Variants in CLSTN3 observed in about 807,000 individuals in gnomAD.
The protein encoded by CLSTN3 is calsyntenin-3.
Under a neutral mutation model 95.9 loss-of-function variants are expected in CLSTN3, and 36 were observed. The ratio of observed to expected loss-of-function variants is 0.38; its 90% CI spans 0.29 to 0.50. CLSTN3 has a LOEUF of 0.50. Among genes scored for constraint, CLSTN3 ranks in the 20% least tolerant of loss-of-function variants. CLSTN3 has a pLI of 0.95. For missense variants in CLSTN3, 1,084 were observed against 1,268.8 expected (o/e 0.85, Z 2.21); for synonymous variants, 481 against 504.0 (o/e 0.95, Z 0.61).
intron 12 of CLSTN3, among the ~76,000 whole-genome samples, chr12:7,147,073 C>T (rs894468175): frequency 6.6e-6 from 1 of 152,168 alleles, no homozygotes; most frequent in African/African-American, 2.4e-5. Context: ...TTACAGTCCT[C>T]TCTGTAAAAT....
Position 7,157,520 on chromosome 12 carries a change from G to T in CLSTN3, c.2559G>T (p.Val853=). The change falls in exon 17 of 18, where the codon GTG becomes GTT. Residue 853 remains valine (V), a synonymous_variant. Transcript: ENST00000266546. The surrounding 1 kb of genome is among the most constrained non-coding windows in gnomAD (Gnocchi z 5.9). ...MIPSAATLII[V]VCVGFLVLMV... ...CCAGCGCCGCAACCCTCATCATTGT[G>T]GTGTGCGTGGGCTTCCTGGTGCTCA... 6.2e-7 allele frequency: 1 copy of T among 1,604,210 alleles called. No individual in the cohort carries two copies. Among genetic ancestry groups the T allele is most frequent in the South Asian group, 1.1e-5 (1 of 89,876 alleles).
rs771565220 is a variant in CLSTN3 at position 7,150,651 on chromosome 12, A to T, written c.2353A>T (p.Met785Leu). 3 of 1,614,072 alleles carry T rather than the reference A, an allele frequency of 1.9e-6. No individual in the cohort carries two copies. Among genetic ancestry groups the T allele is most frequent in the Non-Finnish European group, 2.5e-6 (3 of 1,180,026 alleles). Residue 785 changes from methionine to leucine, a missense_variant, in exon 15 of 18, where the codon ATG (methionine) becomes TTG (leucine). Coordinates refer to ENST00000266546, the MANE Select transcript of CLSTN3 (RefSeq NM_014718.4). This position sits in a 1 kb window ranked among gnomAD's most constrained non-coding sequence, Gnocchi z 4.0. ...TRKFRLSCSE[M>L]NGRYSSNEFI... ...GAAGTTCCGGCTTTCCTGCTCGGAA[A>T]TGAATGGCCGTTACTCCAGCAATGA...
rs181478554 is a variant in CLSTN3, at chr12:7,153,891, C to T, written c.2527+2828C>T. ...AGCTGCCCTGCATGGGCTGGTCTGG[C>T]GGGCAGCGTTTCTCACCCCTCAGCC... On this transcript the variant is annotated intron_variant, in intron 16 of 17. Transcript: ENST00000266546. Among the ~76,000 whole-genome samples, 9 of 152,282 alleles carry T rather than the reference C, an allele frequency of 5.9e-5. No homozygotes were observed. The East Asian group carries it at 7.7e-4, about 13-fold the overall frequency.
In CLSTN3 at chr12:7,135,773, C is replaced by G. The variant is rs764337829; in HGVS notation, c.593-31C>G. 9.5e-6 allele frequency: 15 copies of G among 1,577,944 alleles called. No individual in the cohort carries two copies. The South Asian group carries it at 1.6e-4, about 17-fold the overall frequency. On this transcript the variant is annotated intron_variant, in intron 4 of 17. Coordinates refer to ENST00000266546, the MANE Select transcript of CLSTN3 (RefSeq NM_014718.4). ...CCTGCCCTGGGCTTTCTCCAATGCT[C>G]TAATGCTCTGTCCTCCTGACCCCAC...
intron 5 of CLSTN3, 98 bp downstream of exon 5, chr12:7,136,051 G>A (rs1939408237): frequency 5.3e-6 from 8 of 1,511,514 alleles, no homozygotes; most frequent in Admixed American, 4.2e-5. Context: ...GCTAGGGCTT[G>A]GATGATATTG....
At chr12:7,142,301 G>T (rs952186792) in intron 10 of CLSTN3, among the ~76,000 whole-genome samples, 162 bp downstream of exon 10, 1 of 152,068 alleles carries the variant, frequency 6.6e-6, no homozygotes. Flanking sequence ...TCCTGGAGTG[G>T]TAAGGCTAGA....
At position 7,137,833 on chromosome 12, in the gene CLSTN3, TG is replaced by T; in HGVS notation, c.1211-121del. On this transcript the variant is annotated intron_variant, in intron 7 of 17. Transcript: ENST00000266546. This position sits in a 1 kb window ranked among gnomAD's most constrained non-coding sequence, Gnocchi z 4.4. Reference sequence around the variant, plus strand: ...GAGAGAGAGAGAGAGGAAAGAAAAATGCTAGAGAACGAGGGAATGAGAGAGG... The same window carrying T: ...GAGAGAGAGAGAGAGGAAAGAAAAATCTAGAGAACGAGGGAATGAGAGAGG... The T allele has an allele frequency of 2.7e-6, 1 of 363,890 alleles. No homozygotes were observed. 22.5% of individuals were successfully genotyped at this position (363,890 alleles called of 1,614,324 possible).
chr12:7,136,958 AGGTGCCCCTG>A lies in CLSTN3; in HGVS notation c.1063_1072del (p.Pro355AlafsTer23). Reference sequence around the variant, plus strand: ...TGGTTCAATGGCACCCAGGCTGTGCAGGTGCCCCTGGGTGGCCCCAGTGGGCTGGGCTCTG... The same window carrying A: ...TGGTTCAATGGCACCCAGGCTGTGCAGGTGGCCCCAGTGGGCTGGGCTCTG... On this transcript the variant is annotated frameshift_variant, in exon 7 of 18. Coordinates refer to ENST00000266546, the MANE Select transcript of CLSTN3 (RefSeq NM_014718.4). LOFTEE classifies it high-confidence loss of function. 6.2e-7 allele frequency: 1 copy of A among 1,614,184 alleles called. No individual in the cohort carries two copies.
At chr12:7,152,112 C>T (rs964195615) in intron 16 of CLSTN3, among the ~76,000 whole-genome samples, 9 of 151,522 alleles carry the variant, frequency 5.9e-5, no homozygotes, top group East Asian at 3.9e-4. Context: ...GCCATAATTC[C>T]GTCAGAGAGG....
rs376830897 is a variant in CLSTN3 at position 7,151,017 on chromosome 12, G to C, written c.2481G>C (p.Pro827=). The change falls in exon 16 of 18, where the codon CCG becomes CCC. Residue 827 remains proline, a synonymous_variant. Transcript: ENST00000266546. ...TCCTGCACCGTGGTCACCAGCCCCCGCCTGAGATGGCTGGACACAGCCTAG... is the reference window on the plus strand; with the variant it reads ...TCCTGCACCGTGGTCACCAGCCCCCCCCTGAGATGGCTGGACACAGCCTAG... ...QQFLHRGHQP[P]PEMAGHSLAS... The C allele has an allele frequency of 1.2e-6, 2 of 1,611,926 alleles. No homozygotes were observed. The highest frequency in any genetic ancestry group is 1.7e-6 in the Non-Finnish European group (2 of 1,178,836).
intron 5 of CLSTN3, 123 bp from the exon 6 acceptor site, chr12:7,136,083 C>T: frequency 5.4e-6 from 8 of 1,492,312 alleles, no homozygotes; most frequent in Non-Finnish European, 7.2e-6. Context: ...CAGCTATCTA[C>T]TCTAGCCGGG....
Position 7,153,908 on chromosome 12 carries a change from C to T in CLSTN3, c.2527+2845C>T, listed in dbSNP as rs116613458. ...TGGTCTGGCGGGCAGCGTTTCTCAC[C>T]CCTCAGCCCCTGGAGGAGTGTCTGT... is the stretch of plus-strand genomic sequence containing the variant. On this transcript the variant is annotated intron_variant, in intron 16 of 17. Coordinates refer to ENST00000266546, the MANE Select transcript of CLSTN3 (RefSeq NM_014718.4). 6.0e-3 allele frequency among the ~76,000 whole-genome samples: 913 copies of T among 152,304 alleles called. 7 individuals are homozygous for T. The highest frequency in any genetic ancestry group is 0.02 in the African/African-American group (813 of 41,552).
Position 7,149,499 on chromosome 12 carries a change from C to T in CLSTN3, c.2075-24C>T, listed in dbSNP as rs746169024. ...CTCCGTGGGCCCTTTGGCTCTGACCCAGACCCTACTATCCCCAACCCAGTG... is the reference window on the plus strand; with the variant it reads ...CTCCGTGGGCCCTTTGGCTCTGACCTAGACCCTACTATCCCCAACCCAGTG... On this transcript the variant is annotated intron_variant, in intron 13 of 17. Coordinates refer to ENST00000266546, the MANE Select transcript of CLSTN3 (RefSeq NM_014718.4). This position sits in a 1 kb window ranked among gnomAD's most constrained non-coding sequence, Gnocchi z 4.5. 1.9e-6 allele frequency: 3 copies of T among 1,594,744 alleles called. No homozygotes were observed. Among genetic ancestry groups the T allele is most frequent in the East Asian group, 2.2e-5 (1 of 44,726 alleles).
intron 1 of CLSTN3, chr12:7,132,532 A>C: frequency 4.0e-6 from 1 of 252,840 alleles, no homozygotes; most frequent in Non-Finnish European, 7.7e-6. Flanking sequence ...GAGTGAAGGG[A>C]TCAGGACTGA....
rs1446416946 is a variant in CLSTN3, at chr12:7,157,399, C to G, written c.2528-90C>G. ...GTTCTGCCCTGGGAGTCCTTCAGCCCGGGCTGCCTCTTTTCCTACCCAGCC... is the reference window on the plus strand; with the variant it reads ...GTTCTGCCCTGGGAGTCCTTCAGCCGGGGCTGCCTCTTTTCCTACCCAGCC... On this transcript the variant is annotated intron_variant, in intron 16 of 17. Transcript: ENST00000266546. This position sits in a 1 kb window ranked among gnomAD's most constrained non-coding sequence, Gnocchi z 5.9. The G allele has an allele frequency of 1.0e-5, 12 of 1,165,986 alleles. 1 individual carries two copies. The highest frequency in any genetic ancestry group is 1.3e-5 in the Non-Finnish European group (11 of 843,696). 72.2% of individuals were successfully genotyped at this position (1,165,986 alleles called of 1,614,324 possible).
chr12:7,142,899 A>G lies in CLSTN3; in HGVS notation c.1571A>G (p.His524Arg), dbSNP rs150270457. ...CCTTTGTCGATCCACCACTACTTCC[A>G]TGGCTACCTGGCTGGTTTCAGCGTG... ...GDPLSIHHYF[H>R]GYLAGFSVRS... The change falls in exon 11 of 18, where the codon CAT becomes CGT. Residue 524 changes from histidine (H) to arginine (R), a missense_variant. Coordinates refer to ENST00000266546, the MANE Select transcript of CLSTN3 (RefSeq NM_014718.4). 44 of 1,613,230 alleles carry G rather than the reference A, an allele frequency of 2.7e-5. No individual in the cohort carries two copies. In the African/African-American group the frequency reaches 5.6e-4, roughly 21 times the overall value.
intron 12 of CLSTN3, among the ~76,000 whole-genome samples, chr12:7,145,780 T>C (rs77007088): frequency 0.12 from 17,891 of 152,076 alleles, 1,324 homozygotes; most frequent in South Asian, 0.23. Flanking sequence ...CCAGCCTCTC[T>C]CCCTGAACTC....
chr12:7,142,186 T>A lies in CLSTN3; in HGVS notation c.1540+47T>A, dbSNP rs370435727. On this transcript the variant is annotated intron_variant, in intron 10 of 17. Transcript: ENST00000266546. Reference sequence around the variant, plus strand: ...GAGACCAGAGAGTTCTCATCTTCACTTTCTGTTCTGAGATCCCTTTTCCAC... The same window carrying A: ...GAGACCAGAGAGTTCTCATCTTCACATTCTGTTCTGAGATCCCTTTTCCAC... 4.6e-6 allele frequency: 7 copies of A among 1,513,604 alleles called. No individual in the cohort carries two copies. The Admixed American group carries it at 5.2e-5, about 11-fold the overall frequency. The allele number at this position is 1,513,604 out of a possible 1,614,324, so 93.8% of individuals were successfully genotyped here.
intron 8 of CLSTN3, among the ~76,000 whole-genome samples, chr12:7,139,811 G>C (rs752464202): frequency 2.0e-5 from 3 of 152,050 alleles, no homozygotes; most frequent in Non-Finnish European, 4.4e-5. Context: ...ACCACGCCCA[G>C]CTAATTTTTG....
Sources: allele counts gnomAD v4.1 joint callset (sites outside exome capture counted in the v4.1 genomes callset), GRCh38; gene constraint gnomAD v4.1.1; non-coding constraint Gnocchi (gnomAD v3.1); transcripts MANE v1.5; gene names NCBI Gene and HGNC (gene_info 2026-07-23, HGNC 2026-07-21).